The following GOLGB1 variants were observed in gnomAD, a reference collection of about 807,000 sequenced individuals.
The protein encoded by GOLGB1 is golgin subfamily B member 1.
A neutral mutation model predicts 336.9 loss-of-function variants in GOLGB1; 174 were observed. The observed-to-expected ratio is 0.52, with a 90% confidence interval of 0.46 to 0.59. GOLGB1 has a LOEUF of 0.59. Among genes scored for constraint, GOLGB1 ranks in the 20% least tolerant of loss-of-function variants. The pLI is 0.00. For synonymous variants in GOLGB1, 1,208 were observed against 1,289.2 expected (o/e 0.94, Z 1.35); for missense variants, 3,331 against 3,645.3 (o/e 0.91, Z 2.22).
At chr3:121,741,768 G>A (rs1160073015) in intron 1 of GOLGB1, among the ~76,000 whole-genome samples, 1 of 67,712 alleles carries the variant, frequency 1.5e-5, no homozygotes, top group Non-Finnish European at 4.3e-5. Context: ...CACCAAAAAG[G>A]CTTAAAAGTA....
At chr3:121,701,929 CT>C (rs1208369203) in intron 11 of GOLGB1, among the ~76,000 whole-genome samples, 1 of 152,104 alleles carries the variant, frequency 6.6e-6, no homozygotes, top group Non-Finnish European at 1.5e-5. Context: ...TTTAACCCAA[CT>C]TTTGGGGACC....
At chr3:121,746,526 A>C (rs1947297890) in intron 1 of GOLGB1, among the ~76,000 whole-genome samples, 1 of 152,010 alleles carries the variant, frequency 6.6e-6, no homozygotes, top group African/African-American at 2.4e-5. Context: ...ATTGTCGCCC[A>C]GGATGGAGTG....
intron 1 of GOLGB1, among the ~76,000 whole-genome samples, chr3:121,732,595 A>T (rs1424791038): frequency 6.6e-6 from 1 of 152,248 alleles, no homozygotes; most frequent in Non-Finnish European, 1.5e-5. Flanking sequence ...CACCATATTA[A>T]CAGACTAAAT....
At chr3:121,703,918 G>A (rs191554787) in intron 10 of GOLGB1, among the ~76,000 whole-genome samples, 1 of 152,084 alleles carries the variant, frequency 6.6e-6, no homozygotes, top group East Asian at 1.9e-4. Context: ...CATAATGAAT[G>A]AGAAGAAAGG....
At chr3:121,738,550 G>C (rs545464257) in intron 1 of GOLGB1, among the ~76,000 whole-genome samples, 2 of 152,328 alleles carry the variant, frequency 1.3e-5, no homozygotes, top group African/African-American at 4.8e-5. Context: ...AAAAGAGCCA[G>C]TGGGCATTCA....
chr3:121,708,769 T>C (rs1944096480), intron 10 of GOLGB1, among the ~76,000 whole-genome samples: 1 of 152,070 alleles, frequency 6.6e-6, no homozygotes, highest in Non-Finnish European at 1.5e-5. Context: ...AAATGAAAAT[T>C]AAATTCAAGA....
intron 1 of GOLGB1, chr3:121,748,873 T>C (rs777441911): frequency 2.0e-5 from 20 of 982,518 alleles, no homozygotes; most frequent in Non-Finnish European, 2.4e-5. Context: ...GACAAATATA[T>C]TCCTCATTCC....
intron 10 of GOLGB1, among the ~76,000 whole-genome samples, chr3:121,710,056 C>A: frequency 7.1e-6 from 1 of 140,956 alleles, no homozygotes; most frequent in African/African-American, 2.6e-5. Flanking sequence ...GACAAAACCC[C>A]AGGAAAAAAA....
rs1028195937 is a variant in GOLGB1 at position 121,712,422 on chromosome 3, GA to G, written c.1404+2438del. ...GCAAAGGTTTCACAGACAGGACACA[GA>G]AAAAAAAAACAATAAAAAATGATAA... On this transcript the variant is annotated intron_variant, in intron 10 of 21. Coordinates refer to ENST00000614479, the MANE Select transcript of GOLGB1 (RefSeq NM_001366282.2). 5.5e-4 allele frequency among the ~76,000 whole-genome samples: 77 copies of G among 138,936 alleles called. 2 individuals carry two copies. The South Asian group carries it at 6.8e-3, about 12-fold the overall frequency. 91.1% of individuals were successfully genotyped at this position (138,936 alleles called of 152,430 possible). A position where few individuals can be genotyped will look rare whatever the true frequency, so the allele number is the denominator to read the frequency against.
At position 121,667,468 on chromosome 3, in the gene GOLGB1, G is replaced by C. The variant is rs766308609; in HGVS notation, c.9554+8C>G. ...AAGGGAACAGAGGCTATCTCCTTCA[G>C]CCTTTACCGTCTGATCTGCTCCTCG... On this transcript the variant is annotated splice_region_variant and intron_variant, in intron 20 of 21. Coordinates refer to ENST00000614479, the MANE Select transcript of GOLGB1 (RefSeq NM_001366282.2). The C allele has an allele frequency of 6.2e-7, 1 of 1,613,402 alleles. No individual in the cohort carries two copies. Among genetic ancestry groups the C allele is most frequent in the Non-Finnish European group, 8.5e-7 (1 of 1,179,582 alleles).
In GOLGB1 at chr3:121,683,053, A is replaced by ATT. The variant is rs746649684; in HGVS notation, c.8695-1190_8695-1189dup. 1.7e-3 allele frequency among the ~76,000 whole-genome samples: 142 copies of ATT among 82,502 alleles called. 5 individuals are homozygous for ATT. The highest frequency in any genetic ancestry group is 8.8e-3 in the Middle Eastern group (1 of 114). The allele number at this position is 82,502 out of a possible 152,430, so 54.1% of individuals were successfully genotyped here. ...GCTGCTTAAGAAGCAATTTCTTTTA[A>ATT]TTTTTTTTTTTTTTTTTTTTTTTTT... On this transcript the variant is annotated intron_variant, in intron 14 of 21. Transcript: ENST00000614479.
intron 17 of GOLGB1, among the ~76,000 whole-genome samples, chr3:121,676,371 C>T (rs1940378149): frequency 6.6e-6 from 1 of 152,222 alleles, no homozygotes; most frequent in Non-Finnish European, 1.5e-5. Context: ...TACGCACACA[C>T]ACACTATTGT....
chr3:121,670,412 G>A (rs1939334158), intron 17 of GOLGB1, among the ~76,000 whole-genome samples: 1 of 152,190 alleles, frequency 6.6e-6, no homozygotes, highest in Admixed American at 6.5e-5. Context: ...AGAGACAACT[G>A]TGAGGAAGGG....
At chr3:121,673,984 G>A (rs1372244758) in intron 17 of GOLGB1, among the ~76,000 whole-genome samples, 1 of 152,124 alleles carries the variant, frequency 6.6e-6, no homozygotes, top group Non-Finnish European at 1.5e-5. Flanking sequence ...GCCTCCCAAA[G>A]TGCAAGGATT....
At chr3:121,709,279 A>G (rs1006311983) in intron 10 of GOLGB1, among the ~76,000 whole-genome samples, 1 of 152,206 alleles carries the variant, frequency 6.6e-6, no homozygotes, top group African/African-American at 2.4e-5. Context: ...TGTTTCAATA[A>G]CCAGACAAAA....
intron 1 of GOLGB1, among the ~76,000 whole-genome samples, chr3:121,738,401 C>G (rs1946631012): frequency 6.6e-6 from 1 of 152,208 alleles, no homozygotes; most frequent in Non-Finnish European, 1.5e-5. Flanking sequence ...CAAAAAACTA[C>G]TTAACAAAGT....
rs901059186 is a variant in GOLGB1, at chr3:121,669,192, C to G, written c.9321+20G>C. ...AATTTCATCACACTTCTCCCAGTCT[C>G]TCACCTTCTCTTTACTCACCGCCTG... is the stretch of plus-strand genomic sequence containing the variant. On this transcript the variant is annotated intron_variant, in intron 18 of 21. Coordinates refer to ENST00000614479, the MANE Select transcript of GOLGB1 (RefSeq NM_001366282.2). 1.2e-6 allele frequency: 2 copies of G among 1,612,384 alleles called. No homozygotes were observed. Among genetic ancestry groups the G allele is most frequent in the Admixed American group, 3.3e-5 (2 of 59,924 alleles).
chr3:121,714,730 A>G, intron 10 of GOLGB1, 131 bp downstream of exon 10: 1 of 666,252 alleles, frequency 1.5e-6, no homozygotes, highest in Non-Finnish European at 2.6e-6. Context: ...TGTCCTCAAA[A>G]AAGTATTTTT....
chr3:121,688,170 CTCTCCCTCTCTCTCTCCCCATGG>C, intron 14 of GOLGB1, among the ~76,000 whole-genome samples: 1 of 152,060 alleles, frequency 6.6e-6, no homozygotes, highest in East Asian at 1.9e-4. Flanking sequence ...CTCCCTCTCC[CTCTCCCTCTCTCTCTCCCCATGG>C]TCTCCCTCTC....
Sources: gnomAD v4.1 joint callset for allele counts (sites outside exome capture counted in the v4.1 genomes callset) on GRCh38, gnomAD v4.1.1 for gene constraint, MANE v1.5 for transcripts, NCBI Gene and HGNC (gene_info 2026-07-23, HGNC 2026-07-21) for gene names.